RASGRP2: variants seen among roughly 807,000 people sequenced by gnomAD.
RASGRP2 encodes RAS guanyl-releasing protein 2.
Under a neutral mutation model 71.0 loss-of-function variants are expected in RASGRP2, and 44 were observed. That is an observed-to-expected ratio of 0.62 (90% confidence interval 0.49 to 0.80). RASGRP2 has a LOEUF of 0.80. Among genes scored for constraint, RASGRP2 ranks in the 30% least tolerant of loss-of-function variants. The pLI, the probability that RASGRP2 is intolerant of heterozygous loss-of-function variation, is 0.00. For synonymous variants in RASGRP2, 350 were observed against 330.7 expected (o/e 1.06, Z -0.63); for missense variants, 663 against 813.4 (o/e 0.82, Z 2.25).
Position 64,739,448 on chromosome 11 carries a change from G to A in RASGRP2, c.725C>T (p.Thr242Met), listed in dbSNP as rs373891470. 18 of 1,614,092 alleles carry A rather than the reference G, an allele frequency of 1.1e-5. No homozygotes were observed. The highest frequency in any genetic ancestry group is 4.5e-5 in the East Asian group (2 of 44,896). Residue 242 changes from threonine to methionine, a missense_variant, in exon 8 of 17, where the codon ACG (threonine) becomes ATG (methionine). Transcript: ENST00000394432. This position sits in a 1 kb window ranked among gnomAD's most constrained non-coding sequence, Gnocchi z 4.2. The part of the protein sequence containing the change: ...EKLLQLQNFN[T>M]LMAVVGGLSH... ...CAGGCCCCCGACCACTGCCATCAGCGTGTTGAAGTTCTGCAGCTGTAGCAG... is the reference window on the plus strand; with the variant it reads ...CAGGCCCCCGACCACTGCCATCAGCATGTTGAAGTTCTGCAGCTGTAGCAG...
chr11:64,736,943 G>C lies in RASGRP2; in HGVS notation c.905C>G (p.Pro302Arg). The change falls in exon 9 of 17, where the codon CCG (proline) becomes CGG (arginine). Residue 302 changes from proline (P) to arginine (R), a missense_variant. By Grantham distance (103) the Pro-to-Arg change is moderately radical. Transcript: ENST00000394432. ...GTCCTTGAGGTGCACACCCAGGATC[G>C]GGAAGCGGAAGCCCACACAGGCTGC... ...RLAACVGFRF[P>R]ILGVHLKDLV... is the part of the protein sequence containing the mutation. 6.2e-7 allele frequency: 1 copy of C among 1,613,920 alleles called. No homozygotes were observed. Among genetic ancestry groups the C allele is most frequent in the South Asian group, 1.1e-5 (1 of 91,076 alleles).
chr11:64,735,737 A>G lies in RASGRP2; in HGVS notation c.1174-73T>C. 1 of 1,551,112 alleles carries G rather than the reference A, an allele frequency of 6.4e-7. No homozygotes were observed. Among genetic ancestry groups the G allele is most frequent in the African/African-American group, 1.3e-5 (1 of 74,126 alleles). On this transcript the variant is annotated intron_variant, in intron 10 of 16. Coordinates refer to ENST00000394432, the MANE Select transcript of RASGRP2 (RefSeq NM_001098671.2). The surrounding 1 kb of genome is among the most constrained non-coding windows in gnomAD (Gnocchi z 4.2). Reference sequence around the variant, plus strand: ...CAGAGCCCCGGGGAACAGAGAGGGGAATCCCTGGGAGAGGGAAGTCTGCCC... The same window carrying G: ...CAGAGCCCCGGGGAACAGAGAGGGGGATCCCTGGGAGAGGGAAGTCTGCCC...
At position 64,741,469 on chromosome 11, in the gene RASGRP2, G is replaced by A. The variant is rs1282723020; in HGVS notation, c.209C>T (p.Ser70Phe). ...YQQSRKDNSN[S>F]LQVKTCHLVR... ...CAGGTGGCACGTTTTCACCTGCAGG[G>A]AATTGGAGTTGTCCTTCCGGGATTG... The change falls in exon 4 of 17, where the codon TCC becomes TTC. Residue 70 changes from serine to phenylalanine, a missense_variant. Ser to Phe is a radical substitution (Grantham distance 155, BLOSUM62 -2). Transcript: ENST00000394432. 6.3e-7 allele frequency: 1 copy of A among 1,579,754 alleles called. No individual in the cohort carries two copies. Among genetic ancestry groups the A allele is most frequent in the Non-Finnish European group, 8.6e-7 (1 of 1,161,424 alleles).
Position 64,742,531 on chromosome 11 carries a change from T to C in RASGRP2, c.73+263A>G. 5.1e-6 allele frequency: 3 copies of C among 590,392 alleles called. No individual in the cohort carries two copies. The highest frequency in any genetic ancestry group is 1.9e-5 in the African/African-American group (1 of 53,710). The allele number at this position is 590,392 out of a possible 1,614,324, so 36.6% of individuals were successfully genotyped here. ...TCCGGATTCCCCGGGAGACAGATAA[T>C]GCCCCTCAAGTGTCAGAGTCCGGGA... On this transcript the variant is annotated intron_variant, in intron 2 of 16. Coordinates refer to ENST00000394432, the MANE Select transcript of RASGRP2 (RefSeq NM_001098671.2). The surrounding 1 kb of genome is among the most constrained non-coding windows in gnomAD (Gnocchi z 4.7).
At chr11:64,730,360 G>A (rs1270911823) in intron 12 of RASGRP2, among the ~76,000 whole-genome samples, 166 bp from the exon 13 acceptor site, 1 of 152,206 alleles carries the variant, frequency 6.6e-6, no homozygotes, top group Admixed American at 6.5e-5. Flanking sequence ...GGCAGATGTG[G>A]GAAGTGCCGC....
At position 64,742,670 on chromosome 11, in the gene RASGRP2, T is replaced by C; in HGVS notation, c.73+124A>G. 1 of 1,304,420 alleles carries C rather than the reference T, an allele frequency of 7.7e-7. No individual in the cohort carries two copies. The highest frequency in any genetic ancestry group is 2.5e-5 in the East Asian group (1 of 39,672). The allele number at this position is 1,304,420 out of a possible 1,614,324, so 80.8% of individuals were successfully genotyped here. A position where few individuals can be genotyped will look rare whatever the true frequency, so the allele number is the denominator to read the frequency against. ...CGGAGGAGGCTTTCGTTAAAGAGAC[T>C]GCACGCTGCGGAGCAGGGTGGGTCC... is the stretch of plus-strand genomic sequence containing the variant. On this transcript the variant is annotated intron_variant, in intron 2 of 16. Transcript: ENST00000394432. The surrounding 1 kb of genome is among the most constrained non-coding windows in gnomAD (Gnocchi z 4.7).
intron 5 of RASGRP2, 149 bp downstream of exon 5, chr11:64,740,799 G>T: frequency 9.9e-7 from 1 of 1,009,552 alleles, no homozygotes; most frequent in Non-Finnish European, 1.6e-6. Flanking sequence ...GCCCAGAGGA[G>T]GCATGTTGAA....
At position 64,736,976 on chromosome 11, in the gene RASGRP2, C is replaced by T. The variant is rs919782236; in HGVS notation, c.872G>A (p.Arg291His). The part of the protein sequence containing the change: ...TATGNYGNYR[R>H]RLAACVGFRF... Reference sequence around the variant, plus strand: ...GAAGCCCACACAGGCTGCCAGCCGACGCCGGTAGTTGCCATAGTTGCCTGT... The same window carrying T: ...GAAGCCCACACAGGCTGCCAGCCGATGCCGGTAGTTGCCATAGTTGCCTGT... The change falls in exon 9 of 17, where the codon CGT becomes CAT. Residue 291 changes from arginine to histidine, a missense_variant. Physicochemically the swap from Arg to His is conservative, Grantham distance 29. Transcript: ENST00000394432. 22 of 1,613,766 alleles carry T rather than the reference C, an allele frequency of 1.4e-5. No individual in the cohort carries two copies. The highest frequency in any genetic ancestry group is 4.0e-5 in the African/African-American group (3 of 74,940).
chr11:64,742,680 G>T lies in RASGRP2; in HGVS notation c.73+114C>A. ...TTTCGTTAAAGAGACTGCACGCTGC[G>T]GAGCAGGGTGGGTCCGGGTCAGGGC... On this transcript the variant is annotated intron_variant, in intron 2 of 16. Coordinates refer to ENST00000394432, the MANE Select transcript of RASGRP2 (RefSeq NM_001098671.2). The surrounding 1 kb of genome is among the most constrained non-coding windows in gnomAD (Gnocchi z 4.7). The T allele has an allele frequency of 7.2e-7, 1 of 1,382,094 alleles. No homozygotes were observed. The highest frequency in any genetic ancestry group is 1.0e-6 in the Non-Finnish European group (1 of 999,998). The allele number at this position is 1,382,094 out of a possible 1,614,324, so 85.6% of individuals were successfully genotyped here.
Position 64,735,427 on chromosome 11 carries a change from G to A in RASGRP2, c.1296+115C>T. ...GTGCAGCTGGCCTGCCAGGCCCTGT[G>A]ACTCCTAGGGGCTGAGTGCTGGGTC... On this transcript the variant is annotated intron_variant, in intron 11 of 16. Coordinates refer to ENST00000394432, the MANE Select transcript of RASGRP2 (RefSeq NM_001098671.2). The surrounding 1 kb of genome is among the most constrained non-coding windows in gnomAD (Gnocchi z 4.2). 1 of 1,575,688 alleles carries A rather than the reference G, an allele frequency of 6.3e-7. No individual in the cohort carries two copies. Among genetic ancestry groups the A allele is most frequent in the Non-Finnish European group, 8.7e-7 (1 of 1,153,718 alleles).
In RASGRP2 at chr11:64,735,074, T is replaced by G. The variant is rs2057886818; in HGVS notation, c.1412+38A>C. 6.7e-7 allele frequency: 1 copy of G among 1,489,254 alleles called. No individual in the cohort carries two copies. Among genetic ancestry groups the G allele is most frequent in the Non-Finnish European group, 9.4e-7 (1 of 1,066,352 alleles). 92.3% of individuals were successfully genotyped at this position (1,489,254 alleles called of 1,614,324 possible). A position where few individuals can be genotyped will look rare whatever the true frequency, so the allele number is the denominator to read the frequency against. ...GAAGCCCAGGCAGAAGTGGGCTGAGTTGCCTTCCCTCTCCCCCAGGTCCCC... is the reference window on the plus strand; with the variant it reads ...GAAGCCCAGGCAGAAGTGGGCTGAGGTGCCTTCCCTCTCCCCCAGGTCCCC... On this transcript the variant is annotated intron_variant, in intron 12 of 16. Transcript: ENST00000394432. The surrounding 1 kb of genome is among the most constrained non-coding windows in gnomAD (Gnocchi z 4.2).
At chr11:64,737,074 T>A in intron 8 of RASGRP2, 40 bp from the exon 9 acceptor site, 1 of 1,610,372 alleles carries the variant, frequency 6.2e-7, no homozygotes, top group South Asian at 1.1e-5. Flanking sequence ...CCCACAACTA[T>A]CCTCCCTACC....
chr11:64,743,595 G>T lies in RASGRP2; in HGVS notation c.-72+408C>A. The T allele has an allele frequency of 2.7e-6, 1 of 371,216 alleles. No homozygotes were observed. The allele number at this position is 371,216 out of a possible 1,614,324, so 23.0% of individuals were successfully genotyped here. On this transcript the variant is annotated intron_variant, in intron 1 of 16. Coordinates refer to ENST00000394432, the MANE Select transcript of RASGRP2 (RefSeq NM_001098671.2). The surrounding 1 kb of genome is among the most constrained non-coding windows in gnomAD (Gnocchi z 4.9). ...GGAAGCCTGAGCCTGGGAACTGAGC[G>T]CTCCCAGGCCACCTCCGCAAAGGTC...
chr11:64,733,857 T>TTC (rs2057844841), intron 12 of RASGRP2, among the ~76,000 whole-genome samples: 1 of 149,628 alleles, frequency 6.7e-6, no homozygotes, highest in Non-Finnish European at 1.5e-5. Context: ...TTTTTTCTTT[T>TTC]TTTTTTTTTT....
intron 12 of RASGRP2, among the ~76,000 whole-genome samples, chr11:64,733,834 C>T (rs2057840190): frequency 6.8e-6 from 1 of 146,856 alleles, no homozygotes; most frequent in African/African-American, 2.5e-5. Context: ...AGGGGACTTT[C>T]ATTTCTTCCT....
In RASGRP2 at chr11:64,737,167, C is replaced by T. The variant is rs1046642783; in HGVS notation, c.814-133G>A. ...GAGTAAAAACCTCCCTTACTGTCCCCCACGACTGGCTCTCTCAGCCCCTGG... is the reference window on the plus strand; with the variant it reads ...GAGTAAAAACCTCCCTTACTGTCCCTCACGACTGGCTCTCTCAGCCCCTGG... On this transcript the variant is annotated intron_variant, in intron 8 of 16. Transcript: ENST00000394432. 36 of 1,045,212 alleles carry T rather than the reference C, an allele frequency of 3.4e-5. 1 individual carries two copies. The highest frequency in any genetic ancestry group is 4.7e-5 in the Non-Finnish European group (33 of 698,352). The allele number at this position is 1,045,212 out of a possible 1,614,324, so 64.7% of individuals were successfully genotyped here. A position where few individuals can be genotyped will look rare whatever the true frequency, so the allele number is the denominator to read the frequency against.
At chr11:64,744,895 G>GC (rs1022740133), upstream of RASGRP2, 2 of 130,942 alleles carry the variant, frequency 1.5e-5, no homozygotes, top group African/African-American at 2.9e-5. Context: ...GCGCCAGGCT[G>GC]CCCCCTCCCC....
chr11:64,734,802 T>C (rs1351356548), intron 12 of RASGRP2, among the ~76,000 whole-genome samples: 2 of 152,198 alleles, frequency 1.3e-5, no homozygotes, highest in African/African-American at 4.8e-5. Flanking sequence ...GGAGCTCAAG[T>C]TGCCCACACT....
In RASGRP2 at chr11:64,741,089, CG is replaced by C; in HGVS notation, c.240-11del. 6.2e-7 allele frequency: 1 copy of C among 1,611,404 alleles called. No homozygotes were observed. The highest frequency in any genetic ancestry group is 2.2e-5 in the East Asian group (1 of 44,860). ...GGCGGAGATCCAGTACCTGGAGGAG[CG>C]GGGAGTCACCCAAGATAGCCCTTCC... On this transcript the variant is annotated splice_polypyrimidine_tract_variant and intron_variant, in intron 4 of 16. Coordinates refer to ENST00000394432, the MANE Select transcript of RASGRP2 (RefSeq NM_001098671.2).
Sources: allele counts gnomAD v4.1 joint callset (sites outside exome capture counted in the v4.1 genomes callset), GRCh38; gene constraint gnomAD v4.1.1; non-coding constraint Gnocchi (gnomAD v3.1); transcripts MANE v1.5; gene names NCBI Gene and HGNC (gene_info 2026-07-23, HGNC 2026-07-21).